SVOP: variants seen among roughly 807,000 people sequenced by gnomAD.
SVOP encodes the protein SV2 related protein.
In SVOP, 17 loss-of-function variants were observed where a neutral mutation model predicts 69.1. That is an observed-to-expected ratio of 0.25 (90% CI 0.17 to 0.37). SVOP has a LOEUF of 0.37. Ranked by LOEUF, SVOP falls within the 10% of genes least tolerant of loss-of-function variation. The probability of loss-of-function intolerance (pLI) is 1.00; values close to 1 mark genes in which losing one functional copy is unlikely to be tolerated. For synonymous variants in SVOP, 238 were observed against 238.6 expected (o/e 1.00, Z 0.02); for missense variants, 435 against 597.5 (o/e 0.73, Z 2.84).
chr12:108,918,898 C>A (rs1009497109), intron 13 of SVOP, among the ~76,000 whole-genome samples: 1 of 152,118 alleles, frequency 6.6e-6, no homozygotes, highest in African/African-American at 2.4e-5. Flanking sequence ...CATCAGAGAC[C>A]CTGATCTTTT....
At chr12:108,940,307 G>A (rs2039883181) in intron 8 of SVOP, among the ~76,000 whole-genome samples, 1 of 152,192 alleles carries the variant, frequency 6.6e-6, no homozygotes, top group Admixed American at 6.5e-5. Context: ...CCCATGAAAT[G>A]ATGAGTATGT....
chr12:108,959,238 G>A (rs1027770300), intron 6 of SVOP, among the ~76,000 whole-genome samples: 20 of 151,942 alleles, frequency 1.3e-4, no homozygotes, highest in East Asian at 1.2e-3. Flanking sequence ...AGGTACCTCC[G>A]CTGCTCAAGA....
At chr12:108,933,584 G>T (rs2039836229) in intron 11 of SVOP, among the ~76,000 whole-genome samples, 1 of 152,070 alleles carries the variant, frequency 6.6e-6, no homozygotes, top group Non-Finnish European at 1.5e-5. Flanking sequence ...GGAGGCTGAG[G>T]CAGGAGGATT....
At chr12:108,982,100 T>A (rs1473131998) in intron 2 of SVOP, among the ~76,000 whole-genome samples, 2 of 151,426 alleles carry the variant, frequency 1.3e-5, no homozygotes, top group African/African-American at 4.9e-5. Flanking sequence ...ATCATCATCA[T>A]CACCATCGTA....
At chr12:108,939,099 C>T (rs2039873805) in intron 8 of SVOP, 144 bp from the exon 9 acceptor site, 3 of 1,148,698 alleles carry the variant, frequency 2.6e-6, no homozygotes, top group African/African-American at 3.1e-5. Flanking sequence ...CTGGCCCCAC[C>T]ATTTATTATG....
At chr12:108,967,607 G>C (rs150158448) in intron 5 of SVOP, among the ~76,000 whole-genome samples, 1 of 152,138 alleles carries the variant, frequency 6.6e-6, no homozygotes, top group African/African-American at 2.4e-5. Context: ...GCAACTTGGC[G>C]ATATTGTTTG....
chr12:108,988,029 CT>C (rs1374938031), intron 1 of SVOP, among the ~76,000 whole-genome samples: 1 of 152,124 alleles, frequency 6.6e-6, no homozygotes, highest in Admixed American at 6.6e-5. Context: ...TCAGGTGCTC[CT>C]CCCACCTCAG....
At chr12:108,954,496 A>T (rs1177849647) in intron 6 of SVOP, among the ~76,000 whole-genome samples, 5 of 152,142 alleles carry the variant, frequency 3.3e-5, no homozygotes, top group Admixed American at 3.3e-4. Context: ...AGGCCCTCCT[A>T]GCTCCTCTAT....
At chr12:108,998,330 T>C (rs1211615314) in intron 1 of SVOP, among the ~76,000 whole-genome samples, 1 of 151,894 alleles carries the variant, frequency 6.6e-6, no homozygotes, top group East Asian at 1.9e-4. Context: ...CAAATCTACG[T>C]CTGATTGGTA....
At chr12:108,999,983 A>G (rs961242794) in intron 1 of SVOP, among the ~76,000 whole-genome samples, 1 of 150,778 alleles carries the variant, frequency 6.6e-6, no homozygotes, top group African/African-American at 2.4e-5. Flanking sequence ...TGAAGGAAAT[A>G]GAGACACAAA....
At chr12:108,973,914 T>G (rs1331543521) in intron 4 of SVOP, among the ~76,000 whole-genome samples, 1 of 152,212 alleles carries the variant, frequency 6.6e-6, no homozygotes, top group East Asian at 1.9e-4. Context: ...TACAGATGAC[T>G]TTTGCAAGTC....
chr12:108,998,048 A>C (rs2040246792), intron 1 of SVOP, among the ~76,000 whole-genome samples: 1 of 151,320 alleles, frequency 6.6e-6, no homozygotes, highest in Non-Finnish European at 1.5e-5. Flanking sequence ...AAGGCAAAGA[A>C]GTTGAAAACT....
At chr12:108,961,224 A>G (rs1302700965) in intron 5 of SVOP, among the ~76,000 whole-genome samples, 177 bp from the exon 6 acceptor site, 1 of 152,130 alleles carries the variant, frequency 6.6e-6, no homozygotes, top group Non-Finnish European at 1.5e-5. Context: ...TGAGAAAATC[A>G]TGGGGCATTC....
intron 1 of SVOP, among the ~76,000 whole-genome samples, chr12:109,005,582 A>G (rs1047687710): frequency 5.3e-5 from 8 of 152,270 alleles, no homozygotes; most frequent in African/African-American, 1.9e-4. Context: ...TACATTTGCA[A>G]AGGAAATATA....
At chr12:109,009,537 C>T (rs918575348) in intron 1 of SVOP, among the ~76,000 whole-genome samples, 10 of 152,020 alleles carry the variant, frequency 6.6e-5, no homozygotes, top group East Asian at 3.9e-4. Flanking sequence ...CTCAGCCTCC[C>T]GAGTAGCTGG....
chr12:109,008,444 A>G (rs1015873770), intron 1 of SVOP, among the ~76,000 whole-genome samples: 4 of 152,144 alleles, frequency 2.6e-5, no homozygotes, highest in African/African-American at 7.2e-5. Flanking sequence ...ATGTGTTAGA[A>G]GTCTATAATT....
intron 11 of SVOP, among the ~76,000 whole-genome samples, chr12:108,926,131 G>A (rs985455060): frequency 6.6e-6 from 1 of 152,048 alleles, no homozygotes; most frequent in South Asian, 2.1e-4. Flanking sequence ...ACATTGCCCA[G>A]GTTGGTCTCG....
At chr12:109,005,273 G>A (rs995963364) in intron 1 of SVOP, among the ~76,000 whole-genome samples, 1 of 152,158 alleles carries the variant, frequency 6.6e-6, no homozygotes, top group African/African-American at 2.4e-5. Flanking sequence ...TTCAGTACCT[G>A]TGTGACCCTG....
chr12:108,997,146 T>C (rs1478581909), intron 1 of SVOP, among the ~76,000 whole-genome samples: 5 of 152,136 alleles, frequency 3.3e-5, no homozygotes, highest in African/African-American at 1.2e-4. Context: ...TTGCCTCACT[T>C]GGGAAGCGCA....
Sources: gnomAD v4.1 joint callset for allele counts (sites outside exome capture counted in the v4.1 genomes callset) on GRCh38, gnomAD v4.1.1 for gene constraint, MANE v1.5 for transcripts, NCBI Gene and HGNC (gene_info 2026-07-23, HGNC 2026-07-21) for gene names.